Variants in PRKN observed in about 807,000 individuals in gnomAD.
PRKN encodes E3 ubiquitin-protein ligase parkin.
PRKN carries 56 observed loss-of-function variants against 59.5 expected under a neutral mutation model. That is an observed-to-expected ratio of 0.94 (90% CI 0.76 to 1.18). The LOEUF is 1.18. PRKN is among the 50% of genes most tolerant of loss of function. The pLI is 0.00. For missense variants in PRKN, 657 were observed against 596.4 expected, an observed-to-expected ratio of 1.10 and a Z score of -1.06; for synonymous variants, 250 against 222.1, an observed-to-expected ratio of 1.13 and a Z score of -1.12.
chr6:162,130,251 C>G (rs1781293948), intron 4 of PRKN, among the ~76,000 whole-genome samples: 1 of 152,142 alleles, frequency 6.6e-6, no homozygotes, highest in Admixed American at 6.5e-5. Flanking sequence ...CTTGATACTG[C>G]TTCTTAAATA....
chr6:162,514,502 TTCTC>T lies in PRKN; in HGVS notation c.8-71033_8-71030del, dbSNP rs1777762391. Among the ~76,000 whole-genome samples, 3 of 152,230 alleles carry T rather than the reference TTCTC, an allele frequency of 2.0e-5. No individual in the cohort carries two copies. The South Asian group carries it at 6.2e-4, about 32-fold the overall frequency. ...TAATCAGAAGATATCCACATGGTCT[TTCTC>T]TCTGTCCTCTTCTCCTCACTTGGTG... is the stretch of plus-strand genomic sequence containing the variant. On this transcript the variant is annotated intron_variant, in intron 1 of 11. Coordinates refer to ENST00000366898, the MANE Select transcript of PRKN (RefSeq NM_004562.3).
chr6:162,506,699 G>A lies in PRKN; in HGVS notation c.8-63226C>T, dbSNP rs143135350. Among the ~76,000 whole-genome samples the A allele has an allele frequency of 5.4e-3, 825 of 152,202 alleles. 7 individuals carry two copies. Among genetic ancestry groups the A allele is most frequent in the African/African-American group, 0.019 (793 of 41,522 alleles). ...GAGGAATTCTTGCTTCGGGAGAAGA[G>A]GTAAGGAGGAGATATCAATACAGTG... On this transcript the variant is annotated intron_variant, in intron 1 of 11. Coordinates refer to ENST00000366898, the MANE Select transcript of PRKN (RefSeq NM_004562.3).
At chr6:161,368,969 C>G (rs1785332924) in intron 10 of PRKN, among the ~76,000 whole-genome samples, 1 of 152,162 alleles carries the variant, frequency 6.6e-6, no homozygotes, top group South Asian at 2.1e-4. Context: ...CCCAGCGGAT[C>G]CACGGGGAGG....
At position 162,042,433 on chromosome 6, in the gene PRKN, AG is replaced by A. The variant is rs148792246; in HGVS notation, c.618+11657del. Among the ~76,000 whole-genome samples, 1,255 of 149,670 alleles carry A rather than the reference AG, an allele frequency of 8.4e-3. 12 individuals carry two copies. The highest frequency in any genetic ancestry group is 0.029 in the African/African-American group (1,200 of 41,026). On this transcript the variant is annotated intron_variant, in intron 5 of 11. Transcript: ENST00000366898. ...CAGCCTCCCAAATAGCTGAGATTAC[AG>A]GCATGTACCCAGCTAATTTTTTTTT...
intron 9 of PRKN, among the ~76,000 whole-genome samples, chr6:161,403,007 T>G (rs981306042): frequency 6.6e-6 from 1 of 152,230 alleles, no homozygotes; most frequent in South Asian, 2.1e-4. Flanking sequence ...CTCCCCGAAT[T>G]TGCTGTTCCC....
chr6:161,472,233 A>G (rs1790828259), intron 9 of PRKN, among the ~76,000 whole-genome samples: 1 of 152,218 alleles, frequency 6.6e-6, no homozygotes, highest in Admixed American at 6.5e-5. Context: ...TGTAAAAATC[A>G]GAACTGTTTG....
chr6:162,310,768 AGC>A (rs1318054170), intron 2 of PRKN, among the ~76,000 whole-genome samples: 20 of 149,780 alleles, frequency 1.3e-4, no homozygotes, highest in Non-Finnish European at 2.4e-4. Flanking sequence ...TATAAAAAAA[AGC>A]AGCAATGGGA....
intron 1 of PRKN, among the ~76,000 whole-genome samples, chr6:162,588,560 C>CT (rs34280158): frequency 5.3e-5 from 8 of 151,716 alleles, no homozygotes; most frequent in South Asian, 2.1e-4. Context: ...GCTCATTTTT[C>CT]TTTTTTTTGG....
intron 1 of PRKN, among the ~76,000 whole-genome samples, chr6:162,610,157 C>T (rs2846538): frequency 0.92 from 139,679 of 152,188 alleles, 64,229 homozygotes; most frequent in Admixed American, 0.97. Context: ...TGAACTCAAC[C>T]CTTCTTCACA....
At chr6:161,690,681 A>G (rs1697145678) in intron 7 of PRKN, among the ~76,000 whole-genome samples, 1 of 152,188 alleles carries the variant, frequency 6.6e-6, no homozygotes, top group South Asian at 2.1e-4. Context: ...ACAAAAAGGC[A>G]GAGGAACTCT....
intron 1 of PRKN, among the ~76,000 whole-genome samples, chr6:162,610,091 C>T (rs2128218624): frequency 6.6e-6 from 1 of 152,164 alleles, no homozygotes; most frequent in Admixed American, 6.5e-5. Flanking sequence ...AACAACAAAG[C>T]TCATATTTAC....
At chr6:161,559,149 T>G (rs977602574) in intron 8 of PRKN, among the ~76,000 whole-genome samples, 1 of 151,388 alleles carries the variant, frequency 6.6e-6, no homozygotes, top group Non-Finnish European at 1.5e-5. Context: ...TCCAGATATT[T>G]CAGGTGACCC....
At chr6:162,320,419 C>CAAAAAAA (rs201106625) in intron 2 of PRKN, among the ~76,000 whole-genome samples, 1 of 42,732 alleles carries the variant, frequency 2.3e-5, no homozygotes, top group Non-Finnish European at 4.9e-5. Context: ...CAAAAAAAAC[C>CAAAAAAA]AAAAAAAAAA....
At chr6:162,140,095 G>C (rs1036031856) in intron 4 of PRKN, among the ~76,000 whole-genome samples, 2 of 152,170 alleles carry the variant, frequency 1.3e-5, no homozygotes, top group Admixed American at 1.3e-4. Context: ...AAACAGTTCA[G>C]CAGAATTAGC....
chr6:162,319,890 C>T (rs1427659992), intron 2 of PRKN, among the ~76,000 whole-genome samples: 1 of 151,838 alleles, frequency 6.6e-6, no homozygotes, highest in Non-Finnish European at 1.5e-5. Flanking sequence ...GTTAGGTATG[C>T]CTTTGGCATA....
At chr6:162,109,756 A>C (rs947035565) in intron 4 of PRKN, among the ~76,000 whole-genome samples, 1 of 152,206 alleles carries the variant, frequency 6.6e-6, no homozygotes, top group Non-Finnish European at 1.5e-5. Context: ...CCAACATCCA[A>C]TGAGCACTTA....
intron 2 of PRKN, among the ~76,000 whole-genome samples, chr6:162,356,747 T>TAAAAAAAAAA (rs748212596): frequency 9.6e-5 from 7 of 73,050 alleles, no homozygotes; most frequent in African/African-American, 2.0e-4. Flanking sequence ...TGATTATTAG[T>TAAAAAAAAAA]AAAAAAAAAA....
chr6:161,823,812 G>A (rs1397365100), intron 6 of PRKN, among the ~76,000 whole-genome samples: 1 of 152,002 alleles, frequency 6.6e-6, no homozygotes, highest in African/African-American at 2.4e-5. Flanking sequence ...CACTTGCTTG[G>A]GCCTGTCAGG....
In PRKN at chr6:161,357,336, G is replaced by A. The variant is rs9458235; in HGVS notation, c.1285+2752C>T. 6.3e-3 allele frequency among the ~76,000 whole-genome samples: 960 copies of A among 152,234 alleles called. 8 individuals are homozygous for A. Among genetic ancestry groups the A allele is most frequent in the African/African-American group, 0.022 (915 of 41,530 alleles). ...CAAAGTGCTGGGATTACCGGTGTGAGCCACCACTCCCAGCCTCGCTGACCA... is the reference window on the plus strand; with the variant it reads ...CAAAGTGCTGGGATTACCGGTGTGAACCACCACTCCCAGCCTCGCTGACCA... On this transcript the variant is annotated intron_variant, in intron 11 of 11. Transcript: ENST00000366898. This position sits in a 1 kb window ranked among gnomAD's most constrained non-coding sequence, Gnocchi z 5.5.
Sources: allele counts gnomAD v4.1 joint callset (sites outside exome capture counted in the v4.1 genomes callset), GRCh38; gene constraint gnomAD v4.1.1; non-coding constraint Gnocchi (gnomAD v3.1); transcripts MANE v1.5; gene names NCBI Gene and HGNC (gene_info 2026-07-23, HGNC 2026-07-21).